Variants in MTTP observed in about 807,000 individuals in gnomAD.
MTTP encodes the protein microsomal triglyceride transfer protein.
Under a neutral mutation model 90.6 loss-of-function variants are expected in MTTP, and 49 were observed. The ratio of observed to expected loss-of-function variants is 0.54; its 90% CI spans 0.43 to 0.69. The LOEUF (loss-of-function observed/expected upper bound fraction) is 0.69, where lower values mean the gene tolerates loss of function less well. MTTP is among the 30% of genes least tolerant of loss of function. The probability of loss-of-function intolerance (pLI) is 0.00; values close to 1 mark genes in which losing one functional copy is unlikely to be tolerated. For synonymous variants in MTTP, 347 were observed against 384.2 expected (o/e 0.90, Z 1.13); for missense variants, 945 against 1,067.5 (o/e 0.89, Z 1.60).
Position 99,583,413 on chromosome 4 carries a change from G to A in MTTP, c.289G>A (p.Gly97Arg). 1.9e-6 allele frequency: 3 copies of A among 1,613,360 alleles called. No individual in the cohort carries two copies. Among genetic ancestry groups the A allele is most frequent in the Non-Finnish European group, 1.7e-6 (2 of 1,179,720 alleles). The change falls in exon 3 of 18, where the codon GGA becomes AGA. Residue 97 changes from glycine to arginine, a missense_variant. Transcript: ENST00000265517. ...VNVENVNQQR[G>R]EKSIFKGKSP... is the part of the protein sequence containing the mutation. ...TGTTGAAAATGTGAATCAGCAGAGA[G>A]GAGAGAAGAGCATCTTCAAAGGAAA...
intron 11 of MTTP, among the ~76,000 whole-genome samples, chr4:99,607,588 G>A (rs988868754): frequency 2.0e-5 from 3 of 152,140 alleles, no homozygotes; most frequent in African/African-American, 7.2e-5. Context: ...GCCAAGATTT[G>A]AGGGAGTTAG....
At chr4:99,617,419 C>CT (rs977627545) in intron 15 of MTTP, among the ~76,000 whole-genome samples, 3 of 151,968 alleles carry the variant, frequency 2.0e-5, no homozygotes, top group Non-Finnish European at 4.4e-5. Flanking sequence ...TTCCTGTGAC[C>CT]TTTTTTTGGA....
chr4:99,623,067 G>A lies in MTTP; in HGVS notation c.*219G>A, dbSNP rs1358012798. 1.9e-5 allele frequency: 11 copies of A among 579,940 alleles called. No homozygotes were observed. Among genetic ancestry groups the A allele is most frequent in the South Asian group, 3.9e-5 (2 of 51,060 alleles). The allele number at this position is 579,940 out of a possible 1,614,324, so 35.9% of individuals were successfully genotyped here. On this transcript the variant is annotated 3_prime_UTR_variant, in exon 18 of 18. Transcript: ENST00000265517. ...ATCATCATGTGACGCTTTCAACAAC[G>A]TTCTTAGTTTACTTATACCTCTCTC...
chr4:99,575,046 G>T (rs1724923587), intron 1 of MTTP, 76 bp downstream of exon 1: 1 of 1,436,404 alleles, frequency 7.0e-7, no homozygotes, highest in African/African-American at 1.4e-5. Context: ...GTGTGTGTGT[G>T]TTTGTGTGAG....
At chr4:99,601,524 A>G (rs895477208) in intron 9 of MTTP, 83 bp from the exon 10 acceptor site, 155 of 1,055,766 alleles carry the variant, frequency 1.5e-4, no homozygotes, top group Non-Finnish European at 1.7e-4. Flanking sequence ...TTTACCAAGT[A>G]TGTGTTTATT....
chr4:99,592,389 G>A (rs144319557), intron 6 of MTTP, among the ~76,000 whole-genome samples: 3,548 of 152,078 alleles, frequency 0.023, 108 homozygotes, highest in Middle Eastern at 0.1. Context: ...ATATTTTTAC[G>A]TTAAAAACTT....
In MTTP at chr4:99,622,795, T is replaced by G; in HGVS notation, c.2632T>G (p.Cys878Gly). The part of the protein sequence containing the change: ...FPLHQENSEM[C>G]KVVFAPQPDS... Reference sequence around the variant, plus strand: ...GCTCCATCAAGAGAACTCAGAGATGTGCAAAGTGGTGTTTGCCCCTCAGCC... The same window carrying G: ...GCTCCATCAAGAGAACTCAGAGATGGGCAAAGTGGTGTTTGCCCCTCAGCC... Residue 878 changes from cysteine (C) to glycine (G), a missense_variant, in exon 18 of 18, where the codon TGC (cysteine) becomes GGC (glycine). Physicochemically the swap from Cys to Gly is radical, Grantham distance 159. Coordinates refer to ENST00000265517, the MANE Select transcript of MTTP (RefSeq NM_001386140.1). The G allele has an allele frequency of 6.2e-7, 1 of 1,614,128 alleles. No individual in the cohort carries two copies. Among genetic ancestry groups the G allele is most frequent in the Non-Finnish European group, 8.5e-7 (1 of 1,180,000 alleles).
intron 10 of MTTP, 96 bp from the exon 11 acceptor site, chr4:99,606,652 G>A: frequency 8.2e-7 from 1 of 1,213,458 alleles, no homozygotes; most frequent in African/African-American, 1.5e-5. Flanking sequence ...TTGTAAAACT[G>A]TAGGTTGCTT....
Position 99,619,099 on chromosome 4 carries a change from G to A in MTTP, c.2342+1G>A, listed in dbSNP as rs1458456081. ...AGTCTAAAACCCGAGTGAAAAATAG[G>A]TAAGTGTTTATGCATTATACATTTA... On this transcript the variant is annotated splice_donor_variant, in intron 16 of 17. Coordinates refer to ENST00000265517, the MANE Select transcript of MTTP (RefSeq NM_001386140.1). LOFTEE classifies it high-confidence loss of function. The A allele has an allele frequency of 2.5e-6, 4 of 1,612,696 alleles. No homozygotes were observed. The highest frequency in any genetic ancestry group is 2.7e-5 in the African/African-American group (2 of 74,968).
chr4:99,605,670 A>G lies in MTTP; in HGVS notation c.1345-1078A>G, dbSNP rs1725797010. 3.9e-5 allele frequency among the ~76,000 whole-genome samples: 6 copies of G among 152,274 alleles called. No individual in the cohort carries two copies. The South Asian group carries it at 1.2e-3, about 32-fold the overall frequency. On this transcript the variant is annotated intron_variant, in intron 10 of 17. Coordinates refer to ENST00000265517, the MANE Select transcript of MTTP (RefSeq NM_001386140.1). Reference sequence around the variant, plus strand: ...GTACCATTTTAGGCTTTCATCAGCAATTTATGAAAAGGCCTATTTCCCCAT... The same window carrying G: ...GTACCATTTTAGGCTTTCATCAGCAGTTTATGAAAAGGCCTATTTCCCCAT...
upstream of MTTP, among the ~76,000 whole-genome samples, chr4:99,571,469 T>C (rs1006250174): frequency 6.6e-6 from 1 of 151,960 alleles, no homozygotes; most frequent in Non-Finnish European, 1.5e-5. Context: ...TCAAAGATAA[T>C]TTAGAATCCT....
intron 3 of MTTP, among the ~76,000 whole-genome samples, chr4:99,585,004 T>C (rs1725223885): frequency 6.6e-6 from 1 of 152,114 alleles, no homozygotes; most frequent in Admixed American, 6.6e-5. Context: ...ATGTCTTGGC[T>C]CTCCACATTC....
chr4:99,595,035 C>T, intron 7 of MTTP, 152 bp downstream of exon 7: 1 of 833,354 alleles, frequency 1.2e-6, no homozygotes, highest in East Asian at 2.6e-5. Flanking sequence ...CAATATGCAC[C>T]TGACATAGTG....
rs573067160 is a variant in MTTP at position 99,591,790 on chromosome 4, A to T, written c.758A>T (p.Lys253Met). 21 of 1,610,542 alleles carry T rather than the reference A, an allele frequency of 1.3e-5. No homozygotes were observed. In the South Asian group the frequency reaches 2.3e-4, roughly 18 times the overall value. Reference sequence around the variant, plus strand: ...ACCATTAAGGGGAAAATAGTATCGAAGTAAGATAATGCTAAAATTTTTATT... The same window carrying T: ...ACCATTAAGGGGAAAATAGTATCGATGTAAGATAATGCTAAAATTTTTATT... ...LQTIKGKIVS[K>M]QKLELKTTEA... The change falls in exon 6 of 18, where the codon AAG becomes ATG. Residue 253 changes from lysine (K) to methionine (M), a missense_variant and splice_region_variant. Physicochemically the swap from Lys to Met is moderately conservative, Grantham distance 95. Transcript: ENST00000265517.
At chr4:99,575,761 T>C (rs1349197538) in intron 1 of MTTP, among the ~76,000 whole-genome samples, 2 of 152,240 alleles carry the variant, frequency 1.3e-5, no homozygotes, top group Non-Finnish European at 2.9e-5. Context: ...TTCCAAATGC[T>C]GCATTGTGTA....
At chr4:99,584,463 C>T (rs1019933498) in intron 3 of MTTP, among the ~76,000 whole-genome samples, 5 of 152,054 alleles carry the variant, frequency 3.3e-5, no homozygotes, top group Admixed American at 3.3e-4. Context: ...ATACTTTGGA[C>T]ATTTCATATA....
intron 15 of MTTP, among the ~76,000 whole-genome samples, chr4:99,615,152 T>A (rs553181919): frequency 1.3e-5 from 2 of 152,278 alleles, no homozygotes; most frequent in East Asian, 3.9e-4. Flanking sequence ...TGAGGAGTAA[T>A]CTAGATCTGG....
At chr4:99,568,610 A>G (rs962009584) in intron 1 of MTTP, among the ~76,000 whole-genome samples, 1 of 152,162 alleles carries the variant, frequency 6.6e-6, no homozygotes, top group African/African-American at 2.4e-5. Flanking sequence ...AGGAAACCAG[A>G]GATTCTTGGA....
rs539564150 is a variant in MTTP, at chr4:99,586,543, G to A, written c.393+3026G>A. On this transcript the variant is annotated intron_variant, in intron 3 of 17. Transcript: ENST00000265517. ...CACACACTGAACTGCCACAAGAAAT[G>A]TGACACCTTGAAAGTCCTTCTGAAA... Among the ~76,000 whole-genome samples, 36 of 152,222 alleles carry A rather than the reference G, an allele frequency of 2.4e-4. 1 individual carries two copies. Among genetic ancestry groups the A allele is most frequent in the Admixed American group, 1.8e-3 (28 of 15,276 alleles).
Sources: allele counts gnomAD v4.1 joint callset (sites outside exome capture counted in the v4.1 genomes callset), GRCh38; gene constraint gnomAD v4.1.1; transcripts MANE v1.5; gene names NCBI Gene and HGNC (gene_info 2026-07-23, HGNC 2026-07-21).